The following RAD51B variants were observed in gnomAD, a reference collection of about 807,000 sequenced individuals.
RAD51B encodes the protein RAD51 paralog B.
In RAD51B, 38 loss-of-function variants were observed where a neutral mutation model predicts 42.2. That is an observed-to-expected ratio of 0.90 (90% CI 0.70 to 1.18). RAD51B has a LOEUF of 1.18. Ranked by LOEUF, RAD51B falls within the 50% of genes most tolerant of loss-of-function variation. RAD51B has a pLI of 0.00. For missense variants in RAD51B, 373 were observed against 400.7 expected (o/e 0.93, Z 0.59); for synonymous variants, 154 against 145.2 (o/e 1.06, Z -0.43).
At chr14:68,019,794 G>A (rs570872259) in intron 7 of RAD51B, among the ~76,000 whole-genome samples, 4 of 152,274 alleles carry the variant, frequency 2.6e-5, no homozygotes, top group South Asian at 2.1e-4. Flanking sequence ...CGTTCTTACC[G>A]TATTGCCACA....
intron 7 of RAD51B, among the ~76,000 whole-genome samples, chr14:67,946,332 C>T (rs1318300698): frequency 6.6e-6 from 1 of 151,956 alleles, no homozygotes; most frequent in Non-Finnish European, 1.5e-5. Context: ...TAAATTTCAT[C>T]CCTGGTTAAA....
intron 7 of RAD51B, among the ~76,000 whole-genome samples, chr14:68,110,112 T>A (rs534581190): frequency 5.9e-4 from 89 of 152,110 alleles, no homozygotes; most frequent in African/African-American, 2.0e-3. Context: ...GGAGCTAGTA[T>A]ACTAAGAAAT....
At chr14:68,543,951 C>T (rs944009852) in intron 10 of RAD51B, among the ~76,000 whole-genome samples, 6 of 152,106 alleles carry the variant, frequency 3.9e-5, no homozygotes, top group African/African-American at 1.4e-4. Context: ...AAAATTAAGT[C>T]AAAGAATAAA....
At chr14:67,931,502 T>A (rs989411136) in intron 7 of RAD51B, among the ~76,000 whole-genome samples, 2 of 98,684 alleles carry the variant, frequency 2.0e-5, no homozygotes, top group Admixed American at 2.0e-4. Context: ...TGGGATTTCT[T>A]TTTTTTTTTT....
At chr14:68,099,525 G>A (rs1225458477) in intron 7 of RAD51B, among the ~76,000 whole-genome samples, 1 of 152,116 alleles carries the variant, frequency 6.6e-6, no homozygotes, top group Non-Finnish European at 1.5e-5. Flanking sequence ...AGTCTGCTCT[G>A]TGGCAGTTTT....
chr14:67,854,153 A>G (rs1232008341), intron 4 of RAD51B, among the ~76,000 whole-genome samples: 3 of 152,186 alleles, frequency 2.0e-5, no homozygotes, highest in East Asian at 1.9e-4. Context: ...ACACCCTCCA[A>G]TGAAGTTTTT....
intron 7 of RAD51B, among the ~76,000 whole-genome samples, chr14:67,904,523 T>G (rs2043717379): frequency 6.7e-6 from 1 of 150,014 alleles, no homozygotes; most frequent in Admixed American, 6.6e-5. Context: ...TTTTTTTTTT[T>G]TTTTTTGAGA....
chr14:68,098,114 T>G (rs562350150), intron 7 of RAD51B, among the ~76,000 whole-genome samples: 1 of 152,364 alleles, frequency 6.6e-6, no homozygotes, highest in African/African-American at 2.4e-5. Flanking sequence ...ATGACTGACT[T>G]ACTTATCTAG....
At chr14:67,975,450 A>G (rs1293807275) in intron 7 of RAD51B, among the ~76,000 whole-genome samples, 1 of 152,214 alleles carries the variant, frequency 6.6e-6, no homozygotes, top group Non-Finnish European at 1.5e-5. Context: ...TTCAACCATA[A>G]ACCTTAACAG....
chr14:68,646,368 G>A (rs780245109), intron 10 of RAD51B, among the ~76,000 whole-genome samples: 1 of 152,114 alleles, frequency 6.6e-6, no homozygotes. Context: ...CATTCCAAAG[G>A]TTGGTCTTTT....
intron 8 of RAD51B, among the ~76,000 whole-genome samples, chr14:68,324,814 T>C (rs1303622421): frequency 2.0e-5 from 3 of 152,220 alleles, no homozygotes; most frequent in Non-Finnish European, 4.4e-5. Context: ...TACTCATGCT[T>C]TACTTCGGTA....
intron 7 of RAD51B, among the ~76,000 whole-genome samples, chr14:68,078,035 T>C (rs1189945674): frequency 6.6e-6 from 1 of 152,220 alleles, no homozygotes; most frequent in Non-Finnish European, 1.5e-5. Context: ...GTCTGTGAGC[T>C]ACCTAGTATT....
intron 3 of RAD51B, among the ~76,000 whole-genome samples, chr14:67,834,483 A>G (rs541299717): frequency 1.7e-4 from 25 of 151,470 alleles, no homozygotes; most frequent in Non-Finnish European, 2.9e-4. Flanking sequence ...TGTTCATGTC[A>G]CTCCTTTTTG....
chr14:67,961,036 CTCATT>C (rs2074654188), intron 7 of RAD51B, among the ~76,000 whole-genome samples: 1 of 152,132 alleles, frequency 6.6e-6, no homozygotes, highest in East Asian at 1.9e-4. Flanking sequence ...AAGACAGGGC[CTCATT>C]CTGTTGTTCA....
chr14:68,011,959 T>C (rs1254530520), intron 7 of RAD51B, among the ~76,000 whole-genome samples: 1 of 152,128 alleles, frequency 6.6e-6, no homozygotes, highest in Non-Finnish European at 1.5e-5. Context: ...GTTTTATCAA[T>C]CACACTGGGC....
intron 4 of RAD51B, among the ~76,000 whole-genome samples, chr14:67,859,955 G>A (rs1192203948): frequency 6.6e-6 from 1 of 151,980 alleles, no homozygotes; most frequent in Non-Finnish European, 1.5e-5. Context: ...CGAGGAGCTG[G>A]GATTACAGGC....
intron 7 of RAD51B, among the ~76,000 whole-genome samples, chr14:67,901,796 T>C (rs2043623186): frequency 6.6e-6 from 1 of 152,112 alleles, no homozygotes. Context: ...CATTATCTTA[T>C]GTGAAATAAG....
rs560804531 is a variant in RAD51B, at chr14:68,492,145, A to G, written c.1036+23895A>G. 6.6e-5 allele frequency among the ~76,000 whole-genome samples: 10 copies of G among 152,242 alleles called. No homozygotes were observed. The South Asian group carries it at 2.1e-3, about 32-fold the overall frequency. ...ACTCCCTCACCTCCTTTCCTCACAT[A>G]ATGGATGACTCCCTCACCTTTAAGT... On this transcript the variant is annotated intron_variant, in intron 10 of 10. Coordinates refer to the RAD51B transcript ENST00000487270.
chr14:68,083,284 G>A (rs11624484), intron 7 of RAD51B, among the ~76,000 whole-genome samples: 25,501 of 152,134 alleles, frequency 0.17, 2,313 homozygotes, highest in Middle Eastern at 0.34. Flanking sequence ...AGATAATTCC[G>A]TTTAGGACAC....
Sources: gnomAD v4.1 joint callset for allele counts (sites outside exome capture counted in the v4.1 genomes callset) on GRCh38, gnomAD v4.1.1 for gene constraint, MANE v1.5 for transcripts, NCBI Gene and HGNC (gene_info 2026-07-23, HGNC 2026-07-21) for gene names.